The following RBFOX1 variants were observed in gnomAD, a reference collection of about 807,000 sequenced individuals.
RBFOX1 encodes the protein RNA binding fox-1 homolog 1, also known as RNA binding protein fox-1 homolog 1.
In RBFOX1, 8 loss-of-function variants were observed where a neutral mutation model predicts 57.7. That is an observed-to-expected ratio of 0.14 (90% CI 0.08 to 0.25). The LOEUF (loss-of-function observed/expected upper bound fraction) is 0.25. RBFOX1 is among the 10% of genes least tolerant of loss of function. RBFOX1 has a pLI of 1.00. For missense variants in RBFOX1, 611 were observed against 548.5 expected (o/e 1.11, Z -1.14); for synonymous variants, 326 against 222.4 (o/e 1.47, Z -4.15).
At chr16:6,577,334 A>G (rs1368913895) in intron 2 of RBFOX1, 5 of 152,222 alleles carry the variant, frequency 3.3e-5, no homozygotes, top group Non-Finnish European at 5.9e-5. Flanking sequence ...ACTGAAAGCA[A>G]AGGTTTAGAT....
intron 4 of RBFOX1, among the ~76,000 whole-genome samples, chr16:7,486,520 C>G (rs1227954351): frequency 6.6e-6 from 1 of 152,114 alleles, no homozygotes; most frequent in African/African-American, 2.4e-5. Context: ...GGTTTTATGT[C>G]TACATCCATA....
intron 3 of RBFOX1, among the ~76,000 whole-genome samples, chr16:6,970,621 T>A (rs1218779880): frequency 1.3e-5 from 2 of 152,192 alleles, no homozygotes; most frequent in Admixed American, 1.3e-4. Flanking sequence ...CTCCTGCCTC[T>A]TTTGGAAGGG....
chr16:5,266,743 G>C (rs2062868647), intron 1 of RBFOX1, among the ~76,000 whole-genome samples: 1 of 151,712 alleles, frequency 6.6e-6, no homozygotes, highest in Non-Finnish European at 1.5e-5. Flanking sequence ...TTTTTGCAGA[G>C]AGGGGGGGTC....
chr16:7,333,153 T>G, intron 4 of RBFOX1: 2 of 1,483,140 alleles, frequency 1.3e-6, no homozygotes, highest in Non-Finnish European at 1.9e-6. Flanking sequence ...AATTGGAATT[T>G]TTATGGTTGA....
At chr16:6,527,935 C>T (rs115756045) in intron 2 of RBFOX1, among the ~76,000 whole-genome samples, 1 of 152,112 alleles carries the variant, frequency 6.6e-6, no homozygotes, top group African/African-American at 2.4e-5. Context: ...CCTTTGTTGT[C>T]CCTTTTCCCA....
chr16:5,959,383 A>G lies in RBFOX1; in HGVS notation c.351+92048A>G, dbSNP rs771972002. The stretch of plus-strand genomic sequence containing the variant: ...TCTCAGGCCCCAAAGGTCAACTGTT[A>G]TTAAAATTTTAAATTGGGTGAATGC... On this transcript the variant is annotated intron_variant, in intron 4 of 19. Coordinates refer to the RBFOX1 transcript ENST00000641259. Among the ~76,000 whole-genome samples, 3 of 152,320 alleles carry G rather than the reference A, an allele frequency of 2.0e-5. No individual in the cohort carries two copies. In the South Asian group the frequency reaches 6.2e-4, roughly 32 times the overall value.
At chr16:5,271,181 C>T (rs926359560) in intron 1 of RBFOX1, among the ~76,000 whole-genome samples, 3 of 150,788 alleles carry the variant, frequency 2.0e-5, no homozygotes, top group African/African-American at 7.3e-5. Flanking sequence ...AGACTCTCTC[C>T]AAAAAGAAAA....
At chr16:5,350,476 T>C (rs1257383667) in intron 1 of RBFOX1, among the ~76,000 whole-genome samples, 1 of 152,176 alleles carries the variant, frequency 6.6e-6, no homozygotes, top group Non-Finnish European at 1.5e-5. Flanking sequence ...TTGGGTCCAG[T>C]ACCATTTAGT....
At chr16:5,599,454 C>A (rs1013132694) in exon 3 of RBFOX1, 2 of 539,108 alleles carry the variant, frequency 3.7e-6, no homozygotes, top group Non-Finnish European at 6.5e-6. Context: ...CCCGTGTATC[C>A]CTCATCTGTC....
At chr16:6,068,461 C>A (rs763556328) in intron 1 of RBFOX1, among the ~76,000 whole-genome samples, 1 of 152,020 alleles carries the variant, frequency 6.6e-6, no homozygotes, top group Non-Finnish European at 1.5e-5. Flanking sequence ...TGAAGCATGA[C>A]AAAATAATGA....
rs189328474 is a variant in RBFOX1, at chr16:7,524,391, C to T, written c.270+6002C>T. Among the ~76,000 whole-genome samples, 554 of 152,272 alleles carry T rather than the reference C, an allele frequency of 3.6e-3. 2 individuals carry two copies. Among genetic ancestry groups the T allele is most frequent in the Non-Finnish European group, 6.2e-3 (420 of 68,022 alleles). ...GCAGGCCTTTTTTTCTGCTGAATTTCTATTTCATGTAGGCCTCCAAACATA... is the reference window on the plus strand; with the variant it reads ...GCAGGCCTTTTTTTCTGCTGAATTTTTATTTCATGTAGGCCTCCAAACATA... On this transcript the variant is annotated intron_variant, in intron 5 of 15. Transcript: ENST00000550418.
At position 5,619,936 on chromosome 16, in the gene RBFOX1, C is replaced by G. The variant is rs531219723; in HGVS notation, c.318+20975C>G. Among the ~76,000 whole-genome samples, 33 of 150,646 alleles carry G rather than the reference C, an allele frequency of 2.2e-4. No individual in the cohort carries two copies. In the South Asian group the frequency reaches 5.9e-3, roughly 27 times the overall value. Reference sequence around the variant, plus strand: ...TACAGCCATTATTTTTTACTGTGCTCTTTCTGTTTTATTAAATCTCTGTGC... The same window carrying G: ...TACAGCCATTATTTTTTACTGTGCTGTTTCTGTTTTATTAAATCTCTGTGC... On this transcript the variant is annotated intron_variant, in intron 3 of 19. Coordinates refer to the RBFOX1 transcript ENST00000641259.
At chr16:7,382,088 A>C (rs952544138) in intron 4 of RBFOX1, among the ~76,000 whole-genome samples, 3 of 152,222 alleles carry the variant, frequency 2.0e-5, no homozygotes, top group Non-Finnish European at 2.9e-5. Flanking sequence ...TACTGCCTAA[A>C]ATAAAATTCA....
intron 3 of RBFOX1, among the ~76,000 whole-genome samples, chr16:5,629,725 A>C (rs943148597): frequency 2.0e-5 from 3 of 151,896 alleles, no homozygotes; most frequent in Admixed American, 6.6e-5. Flanking sequence ...TGTTTCTCCA[A>C]CTCTTGTATT....
chr16:6,121,068 A>G (rs527304173), intron 1 of RBFOX1, among the ~76,000 whole-genome samples: 4 of 152,324 alleles, frequency 2.6e-5, no homozygotes, highest in South Asian at 2.1e-4. Context: ...TAATATTACA[A>G]TCAACCATAT....
At chr16:6,873,115 T>C (rs1206263040) in intron 3 of RBFOX1, among the ~76,000 whole-genome samples, 1 of 151,710 alleles carries the variant, frequency 6.6e-6, no homozygotes, top group African/African-American at 2.4e-5. Flanking sequence ...GAGAAACTTT[T>C]AGTTTCTATG....
chr16:7,032,456 TAAATA>T (rs1191358515), intron 3 of RBFOX1, among the ~76,000 whole-genome samples: 1 of 151,530 alleles, frequency 6.6e-6, no homozygotes, highest in Non-Finnish European at 1.5e-5. Context: ...AACAAACAAA[TAAATA>T]AATAAATAAT....
chr16:6,165,387 G>A lies in RBFOX1; in HGVS notation c.-127+145395G>A, dbSNP rs560413606. The stretch of plus-strand genomic sequence containing the variant: ...ACAATCGTGCAGTCCTGTTATCCAC[G>A]TGGCATGAGTTACAGGGTTCATTAT... On this transcript the variant is annotated intron_variant, in intron 1 of 15. Coordinates refer to ENST00000550418, the MANE Select transcript of RBFOX1 (RefSeq NM_018723.4). Among the ~76,000 whole-genome samples, 16 of 152,170 alleles carry A rather than the reference G, an allele frequency of 1.1e-4. 1 individual carries two copies. Among genetic ancestry groups the A allele is most frequent in the African/African-American group, 2.4e-4 (10 of 41,524 alleles).
At chr16:7,388,535 C>T (rs2097922767) in intron 4 of RBFOX1, among the ~76,000 whole-genome samples, 1 of 151,966 alleles carries the variant, frequency 6.6e-6, no homozygotes, top group Admixed American at 6.6e-5. Context: ...GCTTAAGCCC[C>T]CTCAACTGTA....
Sources: allele counts gnomAD v4.1 joint callset (sites outside exome capture counted in the v4.1 genomes callset), GRCh38; gene constraint gnomAD v4.1.1; transcripts MANE v1.5; gene names NCBI Gene and HGNC (gene_info 2026-07-23, HGNC 2026-07-21).